SEC24D: variants seen among roughly 807,000 people sequenced by gnomAD.
The protein encoded by SEC24D is SEC24 homolog D, COPII component.
Under a neutral mutation model 116.9 loss-of-function variants are expected in SEC24D, and 69 were observed. That is an observed-to-expected ratio of 0.59 (90% CI 0.49 to 0.72). The LOEUF is 0.72. Among genes scored for constraint, SEC24D ranks in the 30% least tolerant of loss-of-function variants. The probability of loss-of-function intolerance (pLI) is 0.00; values close to 1 mark genes in which losing one functional copy is unlikely to be tolerated. For synonymous variants in SEC24D, 405 were observed against 442.8 expected (o/e 0.91, Z 1.07); for missense variants, 1,131 against 1,264.1 (o/e 0.89, Z 1.60).
Position 118,822,127 on chromosome 4 carries a change from T to A in SEC24D, c.248+2493A>T, listed in dbSNP as rs180729318. On this transcript the variant is annotated intron_variant, in intron 3 of 22. Coordinates refer to ENST00000280551, the MANE Select transcript of SEC24D (RefSeq NM_014822.4). ...CAATGGAAATGATATTGACAAATGC[T>A]AAGGTGTTGAGTCCATGGGCCCTAG... Among the ~76,000 whole-genome samples, 10 of 152,320 alleles carry A rather than the reference T, an allele frequency of 6.6e-5. No individual in the cohort carries two copies. The East Asian group carries it at 1.9e-3, about 29-fold the overall frequency.
intron 8 of SEC24D, among the ~76,000 whole-genome samples, chr4:118,773,622 A>G (rs1728007576): frequency 6.6e-6 from 1 of 152,234 alleles, no homozygotes; most frequent in African/African-American, 2.4e-5. Flanking sequence ...CCTGTGATGA[A>G]CAACTACCCT....
chr4:118,830,608 T>C (rs940351513), intron 2 of SEC24D, among the ~76,000 whole-genome samples: 13 of 151,878 alleles, frequency 8.6e-5, no homozygotes, highest in Admixed American at 5.9e-4. Flanking sequence ...GTACATTATA[T>C]ATATATGTAT....
intron 8 of SEC24D, among the ~76,000 whole-genome samples, chr4:118,773,569 T>C (rs1237292608): frequency 6.6e-6 from 1 of 152,184 alleles, no homozygotes; most frequent in Non-Finnish European, 1.5e-5. Flanking sequence ...TTGGGGGATA[T>C]AAGTAGAAGC....
chr4:118,805,769 G>T, intron 7 of SEC24D, 74 bp downstream of exon 7: 2 of 784,552 alleles, frequency 2.5e-6, no homozygotes, highest in Non-Finnish European at 2.0e-6. Context: ...TTATTGAAGG[G>T]TGTCAGTGTA....
intron 6 of SEC24D, among the ~76,000 whole-genome samples, chr4:118,814,420 C>T (rs1049107235): frequency 1.3e-5 from 2 of 152,192 alleles, no homozygotes; most frequent in African/African-American, 2.4e-5. Context: ...GCAGCTGCCA[C>T]AGCCTACATG....
At chr4:118,731,750 A>C (rs554199274) in intron 20 of SEC24D, among the ~76,000 whole-genome samples, 1 of 152,332 alleles carries the variant, frequency 6.6e-6, no homozygotes, top group South Asian at 2.1e-4. Flanking sequence ...TGGTGTGAAG[A>C]GTTATGAAGA....
chr4:118,739,471 C>T (rs2110439215), intron 17 of SEC24D, among the ~76,000 whole-genome samples, 184 bp from the exon 18 acceptor site: 1 of 152,254 alleles, frequency 6.6e-6, no homozygotes, highest in East Asian at 1.9e-4. Context: ...AGAATAATGA[C>T]CCATTCATTT....
chr4:118,729,407 A>G (rs531135705), intron 21 of SEC24D: 68 of 152,332 alleles, frequency 4.5e-4, no homozygotes, highest in African/African-American at 1.6e-3. Flanking sequence ...AGACAATAGT[A>G]TATGTTTTAT....
intron 3 of SEC24D, among the ~76,000 whole-genome samples, 167 bp from the exon 4 acceptor site, chr4:118,817,579 GATCATGTAGC>G (rs1445607259): frequency 6.6e-6 from 1 of 151,954 alleles, no homozygotes; most frequent in Non-Finnish European, 1.5e-5. Flanking sequence ...AACTCAATAT[GATCATGTAGC>G]ATCATCTTAT....
At chr4:118,792,184 T>C (rs1728947354) in intron 8 of SEC24D, among the ~76,000 whole-genome samples, 2 of 150,392 alleles carry the variant, frequency 1.3e-5, no homozygotes, top group Admixed American at 6.6e-5. Context: ...CGCCACCCCG[T>C]CTGGGAGGTG....
intron 8 of SEC24D, among the ~76,000 whole-genome samples, chr4:118,775,174 A>G (rs1029692415): frequency 6.6e-6 from 1 of 152,066 alleles, no homozygotes; most frequent in African/African-American, 2.4e-5. Context: ...AACCACGACT[A>G]CATTCTCAAA....
chr4:118,727,563 T>A (rs1725476149), intron 22 of SEC24D, among the ~76,000 whole-genome samples: 1 of 152,060 alleles, frequency 6.6e-6, no homozygotes, highest in Non-Finnish European at 1.5e-5. Flanking sequence ...CTGTGCATTC[T>A]AAATACCAGT....
intron 2 of SEC24D, among the ~76,000 whole-genome samples, chr4:118,827,652 C>G (rs1730642697): frequency 6.6e-6 from 1 of 152,248 alleles, no homozygotes; most frequent in Non-Finnish European, 1.5e-5. Context: ...CTGGGAGACT[C>G]TGGCCAGCCT....
chr4:118,745,201 T>C (rs1726450934), intron 13 of SEC24D, 141 bp from the exon 14 acceptor site: 4 of 586,484 alleles, frequency 6.8e-6, no homozygotes, highest in African/African-American at 3.8e-5. Context: ...ATAACCTTTG[T>C]GTCCTTGGGC....
intron 6 of SEC24D, among the ~76,000 whole-genome samples, chr4:118,808,897 G>A (rs943666146): frequency 6.6e-6 from 1 of 152,170 alleles, no homozygotes; most frequent in Admixed American, 6.5e-5. Context: ...GAAGACGTGT[G>A]TGCCATGCAA....
chr4:118,818,414 C>T (rs1428742462), intron 3 of SEC24D, among the ~76,000 whole-genome samples: 1 of 152,210 alleles, frequency 6.6e-6, no homozygotes, highest in African/African-American at 2.4e-5. Flanking sequence ...TGTGACAACA[C>T]TAGGACCAGC....
chr4:118,744,759 C>T (rs540065755), intron 14 of SEC24D, among the ~76,000 whole-genome samples, 185 bp downstream of exon 14: 3 of 152,164 alleles, frequency 2.0e-5, no homozygotes, highest in Non-Finnish European at 4.4e-5. Context: ...TTTCAGACAT[C>T]GGTTTTTCTA....
intron 11 of SEC24D, among the ~76,000 whole-genome samples, chr4:118,756,562 C>T (rs1237161028): frequency 6.6e-6 from 1 of 152,112 alleles, no homozygotes; most frequent in Non-Finnish European, 1.5e-5. Context: ...GGAATGGGCA[C>T]CCAAAGATTC....
chr4:118,759,719 T>G (rs1259382778), intron 10 of SEC24D, among the ~76,000 whole-genome samples: 1 of 152,168 alleles, frequency 6.6e-6, no homozygotes, highest in African/African-American at 2.4e-5. Flanking sequence ...GTTGCTTCTG[T>G]TTTTCATTTT....
Sources: gnomAD v4.1 joint callset for allele counts (sites outside exome capture counted in the v4.1 genomes callset) on GRCh38, gnomAD v4.1.1 for gene constraint, MANE v1.5 for transcripts, NCBI Gene and HGNC (gene_info 2026-07-23, HGNC 2026-07-21) for gene names.